The following FMN1 variants were observed in gnomAD, a reference collection of about 807,000 sequenced individuals.
The protein encoded by FMN1 is formin-1.
A neutral mutation model predicts 132.4 loss-of-function variants in FMN1; 110 were observed. The observed-to-expected ratio is 0.83, with a 90% CI of 0.71 to 0.97. The LOEUF (loss-of-function observed/expected upper bound fraction) is 0.97, where lower values mean the gene tolerates loss of function less well. Among genes scored for constraint, FMN1 ranks in the 50% least tolerant of loss-of-function variants. The probability of loss-of-function intolerance (pLI) is 0.00; values close to 1 mark genes in which losing one functional copy is unlikely to be tolerated. For missense variants in FMN1, 1,792 were observed against 1,705.3 expected, an observed-to-expected ratio of 1.05 and a Z score of -0.90; for synonymous variants, 722 against 651.7, an observed-to-expected ratio of 1.11 and a Z score of -1.64.
chr15:32,791,274 C>T (rs1345964014), intron 19 of FMN1, among the ~76,000 whole-genome samples: 1 of 146,818 alleles, frequency 6.8e-6, no homozygotes, highest in East Asian at 2.1e-4. Context: ...AAAAAAAAGA[C>T]CTAGGTTCTT....
intron 5 of FMN1, among the ~76,000 whole-genome samples, chr15:33,088,399 G>A (rs2038782911): frequency 6.6e-6 from 1 of 152,190 alleles, no homozygotes; most frequent in Admixed American, 6.5e-5. Context: ...AAGGAAGGCA[G>A]GGTATTCGGA....
chr15:32,896,224 C>T (rs1253126161), intron 15 of FMN1, among the ~76,000 whole-genome samples: 1 of 151,966 alleles, frequency 6.6e-6, no homozygotes, highest in Non-Finnish European at 1.5e-5. Flanking sequence ...TATCATTCTA[C>T]ACTTTTAATT....
chr15:32,830,459 T>C lies in FMN1; in HGVS notation c.3929-26127A>G, dbSNP rs532957869. The stretch of plus-strand genomic sequence containing the variant: ...TTTGAGTCCTGTTTTCACCTCTAGA[T>C]GAATTTGCTTTTATGAAGGAATTCC... On this transcript the variant is annotated intron_variant, in intron 17 of 20. Coordinates refer to ENST00000616417, the MANE Select transcript of FMN1 (RefSeq NM_001277313.2). 5.9e-5 allele frequency among the ~76,000 whole-genome samples: 9 copies of C among 152,322 alleles called. No individual in the cohort carries two copies. In the South Asian group the frequency reaches 1.7e-3, roughly 28 times the overall value.
chr15:33,151,830 T>A (rs1964451703), intron 4 of FMN1, among the ~76,000 whole-genome samples: 1 of 152,168 alleles, frequency 6.6e-6, no homozygotes, highest in Admixed American at 6.5e-5. Flanking sequence ...ACTTTCCTGG[T>A]GAAGCATATT....
At chr15:32,843,081 C>T (rs1413624318) in intron 17 of FMN1, among the ~76,000 whole-genome samples, 1 of 147,802 alleles carries the variant, frequency 6.8e-6, no homozygotes, top group African/African-American at 2.5e-5. Context: ...GAGCCGAGAT[C>T]ACACCATTGC....
At chr15:32,956,560 C>T (rs2061773768) in intron 9 of FMN1, among the ~76,000 whole-genome samples, 1 of 152,080 alleles carries the variant, frequency 6.6e-6, no homozygotes, top group African/African-American at 2.4e-5. Flanking sequence ...AGATATCACT[C>T]AAGAAATCGG....
At chr15:33,122,750 C>T (rs913030358) in intron 4 of FMN1, among the ~76,000 whole-genome samples, 1 of 152,144 alleles carries the variant, frequency 6.6e-6, no homozygotes, top group African/African-American at 2.4e-5. Context: ...TGATGTGTGT[C>T]AACAAAGATT....
chr15:33,043,882 C>T (rs373778563), intron 6 of FMN1, among the ~76,000 whole-genome samples: 22 of 152,288 alleles, frequency 1.4e-4, no homozygotes, highest in African/African-American at 3.9e-4. Context: ...ACAAAAGCCC[C>T]GCCCTCCTGG....
At chr15:32,878,934 T>A (rs2059700277) in intron 16 of FMN1, among the ~76,000 whole-genome samples, 1 of 152,192 alleles carries the variant, frequency 6.6e-6, no homozygotes, top group South Asian at 2.1e-4. Context: ...ACAACATAAC[T>A]CATCCTTCCC....
At chr15:32,794,476 T>A (rs956731680) in intron 19 of FMN1, among the ~76,000 whole-genome samples, 1 of 152,110 alleles carries the variant, frequency 6.6e-6, no homozygotes, top group Non-Finnish European at 1.5e-5. Flanking sequence ...TTCGTGTGCA[T>A]GCGCGGGCAT....
intron 19 of FMN1, among the ~76,000 whole-genome samples, chr15:32,786,652 C>G (rs1595908129): frequency 1.3e-5 from 2 of 152,304 alleles, no homozygotes; most frequent in South Asian, 4.1e-4. Context: ...CCTCAGAAAG[C>G]TCAATATCAC....
At chr15:33,159,074 T>C (rs1964789961) in intron 3 of FMN1, among the ~76,000 whole-genome samples, 1 of 152,144 alleles carries the variant, frequency 6.6e-6, no homozygotes, top group South Asian at 2.1e-4. Flanking sequence ...CCCAGTTATT[T>C]GGGTGGCTAA....
intron 4 of FMN1, among the ~76,000 whole-genome samples, chr15:33,152,663 G>A (rs1352995888): frequency 6.6e-6 from 1 of 151,738 alleles, no homozygotes; most frequent in African/African-American, 2.4e-5. Context: ...CAGAATTTAG[G>A]TCAAGAGGCC....
Position 32,770,936 on chromosome 15 carries a change from G to C in FMN1, c.*3374C>G, listed in dbSNP as rs927972917. On this transcript the variant is annotated 3_prime_UTR_variant, in exon 21 of 21. Transcript: ENST00000616417. The stretch of plus-strand genomic sequence containing the variant: ...GTTGGGCAGTAGGACCATCACCTAT[G>C]ACCTCTGGGCCCCCACCGTCATCAT... The C allele has an allele frequency of 6.6e-6, 1 of 151,658 alleles. No homozygotes were observed. Among genetic ancestry groups the C allele is most frequent in the African/African-American group, 2.4e-5 (1 of 41,236 alleles). The allele number at this position is 151,658 out of a possible 1,614,324, so 9.4% of individuals were successfully genotyped here.
rs543518650 is a variant in FMN1 at position 33,045,653 on chromosome 15, G to A, written c.2161+19304C>T. Among the ~76,000 whole-genome samples the A allele has an allele frequency of 5.9e-5, 9 of 152,260 alleles. No individual in the cohort carries two copies. In the East Asian group the frequency reaches 1.7e-3, roughly 29 times the overall value. ...CTGGGTCCAGGATTGAATCTGATCT[G>A]GTAATTAACTGGCTTGGATCCAGTT... On this transcript the variant is annotated intron_variant, in intron 6 of 20. Coordinates refer to ENST00000616417, the MANE Select transcript of FMN1 (RefSeq NM_001277313.2).
chr15:32,798,661 C>T, intron 19 of FMN1, 143 bp downstream of exon 19: 2 of 697,762 alleles, frequency 2.9e-6, no homozygotes, highest in Non-Finnish European at 4.5e-6. Flanking sequence ...CCTACGATCC[C>T]TGAGGCAAAA....
chr15:33,140,230 A>T (rs1963952237), intron 4 of FMN1, among the ~76,000 whole-genome samples: 2 of 141,960 alleles, frequency 1.4e-5, no homozygotes, highest in Admixed American at 7.0e-5. Flanking sequence ...ACACACACAC[A>T]CACACAGCTT....
intron 6 of FMN1, among the ~76,000 whole-genome samples, chr15:33,051,447 AC>A (rs1376554203): frequency 6.6e-6 from 1 of 152,026 alleles, no homozygotes; most frequent in Non-Finnish European, 1.5e-5. Context: ...GTCCCCTGCC[AC>A]CACCAGGATG....
intron 10 of FMN1, among the ~76,000 whole-genome samples, chr15:32,919,620 A>AT (rs1422491715): frequency 6.6e-6 from 1 of 152,206 alleles, no homozygotes; most frequent in East Asian, 1.9e-4. Context: ...CTACACTTAT[A>AT]TTTTAGAAAA....
Sources: gnomAD v4.1 joint callset for allele counts (sites outside exome capture counted in the v4.1 genomes callset) on GRCh38, gnomAD v4.1.1 for gene constraint, MANE v1.5 for transcripts, NCBI Gene and HGNC (gene_info 2026-07-23, HGNC 2026-07-21) for gene names.